The following STAG3 variants were observed in gnomAD, a reference collection of about 807,000 sequenced individuals.
STAG3 encodes the protein cohesin subunit SA-3.
STAG3 carries 101 observed loss-of-function variants against 160.7 expected under a neutral mutation model. The observed-to-expected ratio is 0.63, with a 90% confidence interval of 0.54 to 0.74. STAG3 has a LOEUF of 0.74. Among genes scored for constraint, STAG3 ranks in the 30% least tolerant of loss-of-function variants. The probability of loss-of-function intolerance (pLI) is 0.00; values close to 1 mark genes in which losing one functional copy is unlikely to be tolerated. For missense variants in STAG3, 1,188 were observed against 1,517.4 expected (o/e 0.78, Z 3.61); for synonymous variants, 519 against 585.0 (o/e 0.89, Z 1.63).
At chr7:100,213,902 C>T in intron 33 of STAG3, 96 bp downstream of exon 33, 1 of 1,612,264 alleles carries the variant, frequency 6.2e-7, no homozygotes, top group Admixed American at 1.7e-5. Context: ...CTGGGGGTGG[C>T]CCTCTGGGCT....
At chr7:100,180,756 G>GT in intron 2 of STAG3, 84 bp downstream of exon 2, 1 of 835,268 alleles carries the variant, frequency 1.2e-6, no homozygotes. Flanking sequence ...GATAATATGC[G>GT]TGGGACTGTG....
At chr7:100,200,204 C>T in intron 16 of STAG3, 32 bp from the exon 17 acceptor site, 3 of 1,571,940 alleles carry the variant, frequency 1.9e-6, no homozygotes, top group East Asian at 2.3e-5. Flanking sequence ...TTTCTTTACA[C>T]CTCCCCCACC....
rs745709659 is a variant in STAG3 at position 100,186,233 on chromosome 7, C to G, written c.370C>G (p.Gln124Glu). 6.8e-6 allele frequency: 11 copies of G among 1,614,066 alleles called. No homozygotes were observed. The highest frequency in any genetic ancestry group is 9.3e-6 in the Non-Finnish European group (11 of 1,179,994). Residue 124 changes from glutamine to glutamate, a missense_variant, in exon 5 of 34, where the codon CAA becomes GAA. By Grantham distance (29) the Gln-to-Glu change is conservative. This residue lies in a region of STAG3 where 296 missense variants were observed against 404.0 expected (regional missense o/e 0.73). Transcript: ENST00000615138. ...AGATGAGTGGCTGGATAGCTACAAG[C>G]AAGACCAGGATGCAGGATTTCTGGA... ...LVDEWLDSYKQDQDAGFLELV... is the reference protein window; with the variant it reads ...LVDEWLDSYKEDQDAGFLELV...
intron 23 of STAG3, 64 bp downstream of exon 23, chr7:100,202,105 T>A: frequency 4.3e-6 from 7 of 1,609,926 alleles, no homozygotes; most frequent in Non-Finnish European, 5.9e-6. Context: ...AAGGAGAAAT[T>A]GACAGTGTCA....
Position 100,202,216 on chromosome 7 carries a change from G to T in STAG3, c.2439G>T (p.Gln813His). The change falls in exon 24 of 34, where the codon CAG becomes CAT. Residue 813 changes from glutamine (Q) to histidine (H), a missense_variant. Gln to His is a conservative substitution (Grantham distance 24). Transcript: ENST00000615138. ...ATCTACTTCTCATCTTTAGCCCTCA[G>T]ATGATTGTTGGGGGCCGTGATTTCC... ...LSDLLLIFSP[Q>H]MIVGGRDFLR... 6.2e-7 allele frequency: 1 copy of T among 1,614,114 alleles called. No individual in the cohort carries two copies. The highest frequency in any genetic ancestry group is 8.5e-7 in the Non-Finnish European group (1 of 1,180,030).
chr7:100,180,784 C>T (rs1799596130), intron 2 of STAG3, 112 bp downstream of exon 2: 2 of 725,486 alleles, frequency 2.8e-6, no homozygotes, highest in South Asian at 3.2e-5. Context: ...ACCAGAAGTG[C>T]TATACTCGTT....
Position 100,198,337 on chromosome 7 carries a change from C to T in STAG3, c.1245-138C>T. 3 of 1,125,984 alleles carry T rather than the reference C, an allele frequency of 2.7e-6. No individual in the cohort carries two copies. The South Asian group carries it at 3.7e-5, about 14-fold the overall frequency. The allele number at this position is 1,125,984 out of a possible 1,614,324, so 69.7% of individuals were successfully genotyped here. ...TCTGTCTTCTCTAACTCCCCATACT[C>T]CTTTGTCTTCCGCTCTTCATTTAGA... On this transcript the variant is annotated intron_variant, in intron 12 of 33. Coordinates refer to ENST00000615138, the MANE Select transcript of STAG3 (RefSeq NM_001282717.2).
chr7:100,180,880 G>GTT (rs35965210), intron 2 of STAG3: 4,510 of 220,142 alleles, frequency 0.02, 1 homozygote, highest in South Asian at 0.04. Flanking sequence ...AGTACATCCT[G>GTT]TTTTTTTTTT....
At chr7:100,199,185 C>T (rs1800898909) in intron 14 of STAG3, 77 bp from the exon 15 acceptor site, 8 of 1,070,512 alleles carry the variant, frequency 7.5e-6, no homozygotes, top group Admixed American at 6.9e-5. Flanking sequence ...GGAAGGAGAG[C>T]GATATTTAAT....
intron 33 of STAG3, 57 bp downstream of exon 33, chr7:100,213,863 G>T (rs535097215): frequency 6.2e-7 from 1 of 1,613,730 alleles, no homozygotes; most frequent in South Asian, 1.1e-5. Flanking sequence ...CAGGCAACCC[G>T]TGCACTCATC....
chr7:100,199,208 C>T lies in STAG3; in HGVS notation c.1468-54C>T, dbSNP rs148533055. 5.1e-4 allele frequency: 616 copies of T among 1,211,914 alleles called. 1 individual carries two copies. The African/African-American group carries it at 6.9e-3, about 14-fold the overall frequency. 75.1% of individuals were successfully genotyped at this position (1,211,914 alleles called of 1,614,324 possible). On this transcript the variant is annotated intron_variant, in intron 14 of 33. Coordinates refer to ENST00000615138, the MANE Select transcript of STAG3 (RefSeq NM_001282717.2). ...AGCGATATTTAATCAGTAACCACTT[C>T]GTAGGGTATTTTTAACATGCTATCA...
intron 32 of STAG3, chr7:100,213,495 A>AT (rs1802463983): frequency 4.1e-6 from 4 of 985,282 alleles, no homozygotes; most frequent in Non-Finnish European, 4.8e-6. Flanking sequence ...ATCTCAGAAA[A>AT]AATCCGTTTT....
chr7:100,205,108 C>A lies in STAG3; in HGVS notation c.3055C>A (p.Leu1019Ile). ...LELLSEFSPRLFHQDKQLLLS... is the reference protein window; with the variant it reads ...LELLSEFSPRIFHQDKQLLLS... ...GCTCCTTTCAGAGTTTTCCCCCCGA[C>A]TCTTCCATCAGGACAAGCAGCTTTT... Residue 1019 changes from leucine (L) to isoleucine (I), a missense_variant, in exon 28 of 34, where the codon CTC (leucine) becomes ATC (isoleucine). Coordinates refer to ENST00000615138, the MANE Select transcript of STAG3 (RefSeq NM_001282717.2). The A allele has an allele frequency of 6.2e-7, 1 of 1,614,216 alleles. No individual in the cohort carries two copies. The highest frequency in any genetic ancestry group is 1.7e-5 in the Admixed American group (1 of 60,032).
In STAG3 at chr7:100,211,056, A is replaced by G; in HGVS notation, c.3284A>G (p.Glu1095Gly). ...GAGGACGTCTCCTCGTCCCAGGAAG[A>G]AAGTCTGCAGCTGAACAGCATCCCG... ...NREDVSSSQEESLQLNSIPPT... is the reference protein window; with the variant it reads ...NREDVSSSQEGSLQLNSIPPT... Residue 1095 changes from glutamate to glycine, a missense_variant, in exon 30 of 34, where the codon GAA becomes GGA. This residue lies in a region of STAG3 where 647 missense variants were observed against 717.2 expected (regional missense o/e 0.90). Coordinates refer to ENST00000615138, the MANE Select transcript of STAG3 (RefSeq NM_001282717.2). 6.2e-7 allele frequency: 1 copy of G among 1,613,972 alleles called. No homozygotes were observed. Among genetic ancestry groups the G allele is most frequent in the South Asian group, 1.1e-5 (1 of 91,066 alleles).
At chr7:100,204,163 C>A in intron 26 of STAG3, 41 bp downstream of exon 26, 1 of 1,521,278 alleles carries the variant, frequency 6.6e-7, no homozygotes, top group East Asian at 2.3e-5. Flanking sequence ...CCCTGTTGTC[C>A]CCAAGTCTCT....
At chr7:100,213,625 G>A (rs1024651095) in intron 32 of STAG3, 110 bp from the exon 33 acceptor site, 22 of 1,565,910 alleles carry the variant, frequency 1.4e-5, no homozygotes, top group African/African-American at 2.7e-5. Context: ...ATAGGGGCCT[G>A]CTGTGCCCAT....
At chr7:100,218,865 C>T (rs3991354), downstream of STAG3, 354 of 214,836 alleles carry the variant, frequency 1.6e-3, 4 homozygotes, top group African/African-American at 6.8e-3. Context: ...CACTCATCAG[C>T]GCAGATTCAC....
rs755065743 is a variant in STAG3 at position 100,180,641 on chromosome 7, G to A, written c.85G>A (p.Asp29Asn). The A allele has an allele frequency of 6.2e-6, 10 of 1,612,336 alleles. No individual in the cohort carries two copies. Among genetic ancestry groups the A allele is most frequent in the Non-Finnish European group, 7.6e-6 (9 of 1,178,462 alleles). Reference sequence around the variant, plus strand: ...TAGTTCCTCTGCCAGTCTACCCTTTGATGACAGGGACTCAAACCATACCTC... The same window carrying A: ...TAGTTCCTCTGCCAGTCTACCCTTTAATGACAGGGACTCAAACCATACCTC... ...SSSSSASLPF[D>N]DRDSNHTSEG... Residue 29 changes from aspartate to asparagine, a missense_variant, in exon 2 of 34, where the codon GAT (aspartate) becomes AAT (asparagine). Coordinates refer to ENST00000615138, the MANE Select transcript of STAG3 (RefSeq NM_001282717.2).
intron 29 of STAG3, among the ~76,000 whole-genome samples, chr7:100,205,945 T>C (rs568345708): frequency 1.3e-5 from 2 of 152,318 alleles, no homozygotes; most frequent in Non-Finnish European, 2.9e-5. Context: ...TTGGACACTT[T>C]TACACAACCT....
Sources: gnomAD v4.1 joint callset for allele counts (sites outside exome capture counted in the v4.1 genomes callset) on GRCh38, gnomAD v4.1.1 for gene constraint, gnomAD v4.1.1 regional missense constraint, MANE v1.5 for transcripts, NCBI Gene and HGNC (gene_info 2026-07-23, HGNC 2026-07-21) for gene names.